Variants in XPNPEP1 observed in about 807,000 individuals in gnomAD.
The protein encoded by XPNPEP1 is xaa-Pro aminopeptidase 1.
XPNPEP1 carries 39 observed loss-of-function variants against 92.4 expected under a neutral mutation model. That is an observed-to-expected ratio of 0.42 (90% CI 0.33 to 0.55). The LOEUF is 0.55. Ranked by LOEUF, XPNPEP1 falls within the 20% of genes least tolerant of loss-of-function variation. XPNPEP1 has a pLI of 0.08. For synonymous variants in XPNPEP1, 307 were observed against 299.4 expected (o/e 1.03, Z -0.26); for missense variants, 654 against 856.1 (o/e 0.76, Z 2.95).
At chr10:109,893,743 A>G (rs1303432637) in intron 3 of XPNPEP1, among the ~76,000 whole-genome samples, 1 of 152,234 alleles carries the variant, frequency 6.6e-6, no homozygotes, top group Non-Finnish European at 1.5e-5. Context: ...CGCGTGGGCA[A>G]AGGGTACAAG....
intron 3 of XPNPEP1, among the ~76,000 whole-genome samples, chr10:109,905,542 G>A (rs1849514843): frequency 6.6e-6 from 1 of 152,118 alleles, no homozygotes; most frequent in Non-Finnish European, 1.5e-5. Flanking sequence ...TAGAATGGTG[G>A]TTGCCAGGGA....
intron 8 of XPNPEP1, chr10:109,884,404 T>G: frequency 2.3e-6 from 1 of 433,710 alleles, no homozygotes; most frequent in Non-Finnish European, 4.1e-6. Flanking sequence ...TAAAAGCTAT[T>G]AGTTGAAATC....
At chr10:109,915,283 C>A in intron 1 of XPNPEP1, 184 bp from the exon 2 acceptor site, 1 of 385,610 alleles carries the variant, frequency 2.6e-6, no homozygotes, top group Non-Finnish European at 4.6e-6. Context: ...AAAACATCCC[C>A]ATGGCAGGTT....
intron 6 of XPNPEP1, 147 bp downstream of exon 6, chr10:109,888,356 G>T: frequency 8.1e-7 from 1 of 1,230,124 alleles, no homozygotes; most frequent in Non-Finnish European, 1.1e-6. Context: ...ACCACCAGTG[G>T]AACTCTTCTC....
At chr10:109,923,088 C>T in intron 1 of XPNPEP1, 1 of 911,402 alleles carries the variant, frequency 1.1e-6, no homozygotes, top group Non-Finnish European at 1.3e-6. Flanking sequence ...GGGGCCTTCC[C>T]GCGGGCCAGG....
rs1464030305 is a variant in XPNPEP1, at chr10:109,884,224, G to GCTTC, written c.749-80_749-77dup. 6 of 1,419,644 alleles carry GCTTC rather than the reference G, an allele frequency of 4.2e-6. No homozygotes were observed. The African/African-American group carries it at 8.6e-5, about 20-fold the overall frequency. The allele number at this position is 1,419,644 out of a possible 1,614,324, so 87.9% of individuals were successfully genotyped here. Reference sequence around the variant, plus strand: ...GGGTCGCTTGTAGCGGGAGGGAAGAGCTTCAGCTTGGAGTCCAGCTGCTGC... The same window carrying GCTTC: ...GGGTCGCTTGTAGCGGGAGGGAAGAGCTTCCTTCAGCTTGGAGTCCAGCTGCTGC... On this transcript the variant is annotated intron_variant, in intron 8 of 20. Transcript: ENST00000502935.
Position 109,867,953 on chromosome 10 carries a change from C to T in XPNPEP1, c.1872+661G>A, listed in dbSNP as rs533970704. On this transcript the variant is annotated intron_variant, in intron 20 of 20. Transcript: ENST00000502935. This position sits in a 1 kb window ranked among gnomAD's most constrained non-coding sequence, Gnocchi z 4.5. ...TTGAACATCTGTGTGATTCTTCAGG[C>T]CTTTCTCATGTCCCCAGGACTGCCA... Among the ~76,000 whole-genome samples the T allele has an allele frequency of 6.6e-6, 1 of 152,312 alleles. No homozygotes were observed. Among genetic ancestry groups the T allele is most frequent in the Non-Finnish European group, 1.5e-5 (1 of 68,024 alleles).
In XPNPEP1 at chr10:109,885,170, T is replaced by A. The variant is rs187008406; in HGVS notation, c.749-1022A>T. Among the ~76,000 whole-genome samples, 205 of 152,304 alleles carry A rather than the reference T, an allele frequency of 1.3e-3. 1 individual carries two copies. Among genetic ancestry groups the A allele is most frequent in the African/African-American group, 4.8e-3 (198 of 41,570 alleles). ...TTTTGATGGTAGCATCATAATAAATTACAGGATTACTGCAAATAACCCAAA... is the reference window on the plus strand; with the variant it reads ...TTTTGATGGTAGCATCATAATAAATAACAGGATTACTGCAAATAACCCAAA... On this transcript the variant is annotated intron_variant, in intron 8 of 20. Transcript: ENST00000502935.
At chr10:109,865,470 G>A (rs1185680465) in intron 20 of XPNPEP1, among the ~76,000 whole-genome samples, 158 bp from the exon 21 acceptor site, 3 of 152,210 alleles carry the variant, frequency 2.0e-5, no homozygotes, top group Admixed American at 6.5e-5. Context: ...TATTTTCCTT[G>A]TGTTCTGTTT....
chr10:109,879,099 A>G (rs1318076337), intron 12 of XPNPEP1, among the ~76,000 whole-genome samples: 1 of 150,670 alleles, frequency 6.6e-6, no homozygotes, highest in Non-Finnish European at 1.5e-5. Context: ...AAAATTAGCC[A>G]AGCATGGTGG....
chr10:109,883,839 A>G, intron 9 of XPNPEP1: 1 of 462,184 alleles, frequency 2.2e-6, no homozygotes, highest in Non-Finnish European at 3.8e-6. Context: ...GGCCCGAACT[A>G]TAGACACTTT....
chr10:109,920,843 G>C (rs1239395116), intron 1 of XPNPEP1, among the ~76,000 whole-genome samples: 1 of 152,110 alleles, frequency 6.6e-6, no homozygotes, highest in East Asian at 1.9e-4. Context: ...ACCGTGCCTA[G>C]CCAAGGTTAC....
At chr10:109,872,316 C>G (rs1247373633) in intron 16 of XPNPEP1, among the ~76,000 whole-genome samples, 1 of 152,240 alleles carries the variant, frequency 6.6e-6, no homozygotes, top group Non-Finnish European at 1.5e-5. Flanking sequence ...CACACAGTGC[C>G]TAAGTGGCAG....
chr10:109,873,521 A>G, intron 15 of XPNPEP1, 94 bp from the exon 16 acceptor site: 1 of 1,471,212 alleles, frequency 6.8e-7, no homozygotes, highest in Non-Finnish European at 9.5e-7. Context: ...GAAGCCCCAT[A>G]CAATGCTGGT....
chr10:109,885,341 T>A (rs191092267), intron 8 of XPNPEP1, among the ~76,000 whole-genome samples: 1 of 152,236 alleles, frequency 6.6e-6, no homozygotes, highest in Non-Finnish European at 1.5e-5. Context: ...ATGCATAGAA[T>A]ATTGACACTG....
At chr10:109,916,689 C>T (rs1217316868) in intron 1 of XPNPEP1, among the ~76,000 whole-genome samples, 2 of 152,110 alleles carry the variant, frequency 1.3e-5, no homozygotes, top group Admixed American at 1.3e-4. Flanking sequence ...AAAAGTAAGA[C>T]ACCCCAATAT....
intron 3 of XPNPEP1, among the ~76,000 whole-genome samples, chr10:109,901,272 AG>A (rs1364015399): frequency 2.4e-4 from 19 of 78,472 alleles, no homozygotes; most frequent in Non-Finnish European, 4.0e-4. Context: ...GGGTGGGGGG[AG>A]GGGGGAGGGA....
intron 5 of XPNPEP1, 40 bp from the exon 6 acceptor site, chr10:109,888,635 G>T: frequency 6.7e-7 from 1 of 1,495,858 alleles, no homozygotes; most frequent in Non-Finnish European, 9.1e-7. Flanking sequence ...TTCCCAGTGG[G>T]CCCACGCTCA....
intron 15 of XPNPEP1, 89 bp downstream of exon 15, chr10:109,875,439 C>G: frequency 8.2e-7 from 1 of 1,217,874 alleles, no homozygotes; most frequent in Non-Finnish European, 1.2e-6. Context: ...CGATGACCAG[C>G]TGAGTGCTCT....
Sources: gnomAD v4.1 joint callset for allele counts (sites outside exome capture counted in the v4.1 genomes callset) on GRCh38, gnomAD v4.1.1 for gene constraint, Gnocchi (gnomAD v3.1) non-coding constraint, MANE v1.5 for transcripts, NCBI Gene and HGNC (gene_info 2026-07-23, HGNC 2026-07-21) for gene names.